NETO1: variants seen among roughly 807,000 people sequenced by gnomAD.
NETO1 encodes the protein neuropilin and tolloid like 1, also known as neuropilin and tolloid-like protein 1.
In NETO1, 26 loss-of-function variants were observed where a neutral mutation model predicts 61.3. That is an observed-to-expected ratio of 0.42 (90% CI 0.31 to 0.59). The LOEUF is 0.59. Ranked by LOEUF, NETO1 falls within the 20% of genes least tolerant of loss-of-function variation. The pLI is 0.12. For missense variants in NETO1, 531 were observed against 662.8 expected, an observed-to-expected ratio of 0.80 and a Z score of 2.18; for synonymous variants, 225 against 225.8, an observed-to-expected ratio of 1.00 and a Z score of 0.03.
At chr18:72,866,701 C>A in intron 1 of NETO1, 1 of 985,638 alleles carries the variant, frequency 1.0e-6, no homozygotes, top group Non-Finnish European at 1.2e-6. Context: ...ATACTATTTT[C>A]CTCTCATTCC....
intron 4 of NETO1, among the ~76,000 whole-genome samples, chr18:72,858,106 A>G (rs2074459184): frequency 6.6e-6 from 1 of 152,200 alleles, no homozygotes; most frequent in African/African-American, 2.4e-5. Context: ...ATTTAAATTA[A>G]TGCATGTAGT....
intron 6 of NETO1, among the ~76,000 whole-genome samples, chr18:72,793,757 A>G (rs779280366): frequency 6.6e-6 from 1 of 152,236 alleles, no homozygotes; most frequent in Non-Finnish European, 1.5e-5. Context: ...ATAGAATTTT[A>G]GTTTACAAAA....
chr18:72,796,337 T>C (rs1282813483), intron 4 of NETO1, among the ~76,000 whole-genome samples: 2 of 152,196 alleles, frequency 1.3e-5, no homozygotes, highest in African/African-American at 2.4e-5. Context: ...TGTGAACTGC[T>C]CTGTTGAAAC....
intron 7 of NETO1, among the ~76,000 whole-genome samples, chr18:72,765,436 G>A (rs548761049): frequency 6.6e-6 from 1 of 150,964 alleles, no homozygotes; most frequent in East Asian, 1.9e-4. Flanking sequence ...TTTTTTAATT[G>A]GAGATGAAGT....
chr18:72,766,217 AAT>A (rs771218743), intron 7 of NETO1, among the ~76,000 whole-genome samples: 10 of 74,450 alleles, frequency 1.3e-4, no homozygotes, highest in Non-Finnish European at 2.0e-4. Context: ...GAAAAAAAAA[AAT>A]ATGTGTGTGT....
chr18:72,777,416 T>G, intron 7 of NETO1, among the ~76,000 whole-genome samples: 1 of 92,528 alleles, frequency 1.1e-5, no homozygotes. Context: ...CGAAACTCCA[T>G]CTGAAAAAAA....
In NETO1 at chr18:72,744,594, C is replaced by T. The variant is rs539517238; in HGVS notation, c.*3585G>A. ...GAGAAAAATGGCACCGAAGCTAGCT[C>T]GCCTCAGTGCAATTAGACAAAACCC... On this transcript the variant is annotated 3_prime_UTR_variant, in exon 11 of 11. Transcript: ENST00000327305. 94 of 152,204 alleles carry T rather than the reference C, an allele frequency of 6.2e-4. 1 individual carries two copies. Among genetic ancestry groups the T allele is most frequent in the African/African-American group, 2.0e-3 (81 of 41,538 alleles). 9.4% of individuals were successfully genotyped at this position (152,204 alleles called of 1,614,324 possible).
chr18:72,856,452 A>T (rs934628940), intron 4 of NETO1, among the ~76,000 whole-genome samples: 1 of 152,212 alleles, frequency 6.6e-6, no homozygotes, highest in African/African-American at 2.4e-5. Context: ...TTTAAAAAGC[A>T]CATGATAAAA....
chr18:72,808,558 A>G (rs2072758997), intron 4 of NETO1, among the ~76,000 whole-genome samples: 1 of 152,040 alleles, frequency 6.6e-6, no homozygotes, highest in Non-Finnish European at 1.5e-5. Context: ...AAAATCAAGA[A>G]GCAAAATATT....
chr18:72,833,724 T>G (rs890256611), intron 4 of NETO1, among the ~76,000 whole-genome samples: 1 of 152,240 alleles, frequency 6.6e-6, no homozygotes, highest in East Asian at 1.9e-4. Context: ...CATGGAATTT[T>G]TGTCGTGCAT....
In NETO1 at chr18:72,864,829, C is replaced by G. The variant is rs2074685035; in HGVS notation, c.199G>C (p.Glu67Gln). 5 of 1,613,490 alleles carry G rather than the reference C, an allele frequency of 3.1e-6. No homozygotes were observed. Among genetic ancestry groups the G allele is most frequent in the Non-Finnish European group, 4.2e-6 (5 of 1,179,910 alleles). ...TTACCTTCTATGATGTAGATGCATT[C>G]CCGGTCAGGGGGATACTTGCTGGGA... ...NYPSKYPPDR[E>Q]CIYIIEAAPR... is the part of the protein sequence containing the mutation. The change falls in exon 3 of 11, where the codon GAA becomes CAA. Residue 67 changes from glutamate (E) to glutamine (Q), a missense_variant. Glu to Gln is a conservative substitution (Grantham distance 29, BLOSUM62 2). Transcript: ENST00000327305.
At chr18:72,836,338 T>C (rs2073749138) in intron 4 of NETO1, among the ~76,000 whole-genome samples, 1 of 152,226 alleles carries the variant, frequency 6.6e-6, no homozygotes, top group African/African-American at 2.4e-5. Context: ...ACTTATCTCA[T>C]AAGTTAGTTC....
rs1469078207 is a variant in NETO1 at position 72,867,243 on chromosome 18, C to A, written c.28+21G>T. ...AGGGCTGGCTCCGGGAGCGCACGGG[C>A]GCGGCGGGGAGGGTACTCACTGTGA... is the stretch of plus-strand genomic sequence containing the variant. On this transcript the variant is annotated intron_variant, in intron 1 of 10. Coordinates refer to ENST00000327305, the MANE Select transcript of NETO1 (RefSeq NM_138966.5). The A allele has an allele frequency of 2.6e-6, 4 of 1,536,526 alleles. No homozygotes were observed. The Admixed American group carries it at 5.8e-5, about 22-fold the overall frequency.
chr18:72,808,823 G>C (rs1395318043), intron 4 of NETO1, among the ~76,000 whole-genome samples: 2 of 152,182 alleles, frequency 1.3e-5, no homozygotes, highest in Non-Finnish European at 2.9e-5. Flanking sequence ...CCTTGGCAAG[G>C]ACACTGGAGT....
At chr18:72,796,540 G>T (rs550043912) in intron 4 of NETO1, among the ~76,000 whole-genome samples, 1 of 152,118 alleles carries the variant, frequency 6.6e-6, no homozygotes, top group Non-Finnish European at 1.5e-5. Flanking sequence ...GGAGCGCAGT[G>T]ATCTCGTCTC....
At chr18:72,793,978 C>G in intron 6 of NETO1, 139 bp downstream of exon 6, 1 of 1,155,530 alleles carries the variant, frequency 8.7e-7, no homozygotes, top group Non-Finnish European at 1.2e-6. Context: ...AGTTACATCT[C>G]AAAAACCAAA....
chr18:72,778,863 G>A (rs1003477997), intron 7 of NETO1, among the ~76,000 whole-genome samples: 2 of 152,062 alleles, frequency 1.3e-5, no homozygotes, highest in African/African-American at 4.8e-5. Context: ...CAAAGCCACT[G>A]CCACCTATTT....
intron 4 of NETO1, among the ~76,000 whole-genome samples, chr18:72,799,216 C>G (rs1251495491): frequency 1.3e-5 from 2 of 152,164 alleles, no homozygotes; most frequent in Non-Finnish European, 2.9e-5. Flanking sequence ...AGCACCATAA[C>G]TAGATGAACT....
At position 72,867,898 on chromosome 18, in the gene NETO1, C is replaced by T. The variant is rs1405882681; in HGVS notation, c.-607G>A. On this transcript the variant is annotated 5_prime_UTR_variant, in exon 1 of 11. Coordinates refer to ENST00000327305, the MANE Select transcript of NETO1 (RefSeq NM_138966.5). ...CAGCGGCAGCGCTCCTCGCTCCAGC[C>T]CTTGGGGATCTTCCGCTGAGGCATT... 6.6e-6 allele frequency: 1 copy of T among 152,536 alleles called. No individual in the cohort carries two copies. The highest frequency in any genetic ancestry group is 1.5e-5 in the Non-Finnish European group (1 of 68,036). The allele number at this position is 152,536 out of a possible 1,614,324, so 9.4% of individuals were successfully genotyped here. A position where few individuals can be genotyped will look rare whatever the true frequency, so the allele number is the denominator to read the frequency against.
Sources: gnomAD v4.1 joint callset for allele counts (sites outside exome capture counted in the v4.1 genomes callset) on GRCh38, gnomAD v4.1.1 for gene constraint, MANE v1.5 for transcripts, NCBI Gene and HGNC (gene_info 2026-07-23, HGNC 2026-07-21) for gene names.